NLGN1: variants seen among roughly 807,000 people sequenced by gnomAD.
NLGN1 encodes neuroligin-1.
NLGN1 carries 12 observed loss-of-function variants against 65.5 expected under a neutral mutation model. The observed-to-expected ratio is 0.18, with a 90% CI of 0.12 to 0.30. The LOEUF (loss-of-function observed/expected upper bound fraction) is 0.30, where lower values mean the gene tolerates loss of function less well. Ranked by LOEUF, NLGN1 falls within the 10% of genes least tolerant of loss-of-function variation. The pLI is 1.00. For missense variants in NLGN1, 750 were observed against 1,007.1 expected (o/e 0.74, Z 3.46); for synonymous variants, 350 against 359.5 (o/e 0.97, Z 0.30).
chr3:174,278,757 G>A (rs1311974147), intron 5 of NLGN1, 104 bp from the exon 6 acceptor site: 11 of 879,806 alleles, frequency 1.3e-5, no homozygotes, highest in Non-Finnish European at 1.8e-5. Context: ...TGTTTCTTGA[G>A]CTGTATCTGG....
At chr3:174,174,513 TC>T (rs1437015889) in intron 4 of NLGN1, among the ~76,000 whole-genome samples, 1 of 151,864 alleles carries the variant, frequency 6.6e-6, no homozygotes, top group African/African-American at 2.4e-5. Context: ...TTGATTATGG[TC>T]ATTCTTGCAG....
At chr3:174,090,210 C>A (rs1218369553) in intron 4 of NLGN1, among the ~76,000 whole-genome samples, 1 of 152,082 alleles carries the variant, frequency 6.6e-6, no homozygotes, top group Non-Finnish European at 1.5e-5. Context: ...GTGGCTCACA[C>A]CTGTAATCCT....
intron 4 of NLGN1, among the ~76,000 whole-genome samples, chr3:173,909,610 G>A (rs1440324362): frequency 6.6e-6 from 1 of 152,154 alleles, no homozygotes; most frequent in Non-Finnish European, 1.5e-5. Flanking sequence ...ATTTAAGTAT[G>A]GACTTCTCAA....
chr3:174,278,443 C>G lies in NLGN1; in HGVS notation c.860-418C>G, dbSNP rs114616917. ...CATTTTGAAGGAAGATGGACACAGC[C>G]AAACTGGAGGAAATATTCCAAACAG... is the stretch of plus-strand genomic sequence containing the variant. On this transcript the variant is annotated intron_variant, in intron 5 of 6. Transcript: ENST00000457714. Among the ~76,000 whole-genome samples, 661 of 151,954 alleles carry G rather than the reference C, an allele frequency of 4.3e-3. 8 individuals carry two copies. Among genetic ancestry groups the G allele is most frequent in the African/African-American group, 0.016 (645 of 41,504 alleles).
At chr3:173,788,071 A>G (rs1376529221) in intron 3 of NLGN1, among the ~76,000 whole-genome samples, 2 of 152,086 alleles carry the variant, frequency 1.3e-5, no homozygotes, top group Non-Finnish European at 1.5e-5. Context: ...TTTTAGAAAT[A>G]CAGCTTTGTC....
chr3:173,753,714 C>T (rs1013014113), intron 3 of NLGN1, among the ~76,000 whole-genome samples: 13 of 151,890 alleles, frequency 8.6e-5, no homozygotes, highest in Admixed American at 6.6e-4. Flanking sequence ...ACTCTGTGTT[C>T]ATCCAGAATA....
intron 3 of NLGN1, among the ~76,000 whole-genome samples, chr3:173,772,864 C>T (rs1306519229): frequency 1.3e-5 from 2 of 152,118 alleles, no homozygotes; most frequent in African/African-American, 4.8e-5. Flanking sequence ...CTAATTGCAG[C>T]TTCCTCTCCT....
chr3:173,707,290 A>G (rs1394006686), intron 3 of NLGN1, among the ~76,000 whole-genome samples: 1 of 152,208 alleles, frequency 6.6e-6, no homozygotes, highest in Non-Finnish European at 1.5e-5. Context: ...TTGGAAAAGA[A>G]TATGAGACAT....
At chr3:173,497,393 T>A (rs2037567) in intron 2 of NLGN1, among the ~76,000 whole-genome samples, 115,320 of 148,808 alleles carry the variant, frequency 0.77, 46,324 homozygotes, top group East Asian at 0.97. Context: ...CATCTCAAAA[T>A]AAATAAATAA....
chr3:173,881,362 G>C lies in NLGN1; in HGVS notation c.646+73530G>C, dbSNP rs113263180. On this transcript the variant is annotated intron_variant, in intron 4 of 6. Transcript: ENST00000457714. ...TCCACCTGCCTCGGCCTCCCAAATT[G>C]CTGGGATTACAGGCCTGAGCCACTG... Among the ~76,000 whole-genome samples, 714 of 148,822 alleles carry C rather than the reference G, an allele frequency of 4.8e-3. 1 individual carries two copies. The highest frequency in any genetic ancestry group is 0.016 in the African/African-American group (658 of 40,266).
At chr3:173,807,874 A>G in intron 4 of NLGN1, 42 bp downstream of exon 4, 3 of 1,576,718 alleles carry the variant, frequency 1.9e-6, no homozygotes, top group Non-Finnish European at 2.6e-6. Context: ...GAATCCATGA[A>G]GTATGTGATG....
In NLGN1 at chr3:173,788,735, C is replaced by T. The variant is rs533321315; in HGVS notation, c.494-18945C>T. Among the ~76,000 whole-genome samples the T allele has an allele frequency of 7.2e-4, 105 of 146,406 alleles. 1 individual carries two copies. The highest frequency in any genetic ancestry group is 1.2e-3 in the Non-Finnish European group (83 of 67,136). ...GCTGGAGAGGCTGAGGCAGGAGGAT[C>T]ACTTGAGCCCAGGAGTTGGAGGCTG... On this transcript the variant is annotated intron_variant, in intron 3 of 6. Coordinates refer to ENST00000457714, the Ensembl canonical transcript of NLGN1.
chr3:173,724,472 C>T (rs1427812416), intron 3 of NLGN1: 1 of 218,840 alleles, frequency 4.6e-6, no homozygotes, highest in Non-Finnish European at 1.0e-5. Context: ...GACGAGGTTT[C>T]ACCATGTTAC....
chr3:173,428,494 A>G (rs1421152540), intron 1 of NLGN1, among the ~76,000 whole-genome samples: 2 of 152,032 alleles, frequency 1.3e-5, no homozygotes, highest in African/African-American at 4.8e-5. Flanking sequence ...TTTTATGGAT[A>G]TAACAACTTA....
chr3:173,922,065 T>C (rs1742122676), intron 4 of NLGN1, among the ~76,000 whole-genome samples: 1 of 152,102 alleles, frequency 6.6e-6, no homozygotes, highest in African/African-American at 2.4e-5. Context: ...TCTTAGTTAT[T>C]TGCTACTTTA....
intron 3 of NLGN1, among the ~76,000 whole-genome samples, chr3:173,657,527 A>G (rs1358942116): frequency 6.6e-6 from 1 of 151,878 alleles, no homozygotes; most frequent in Non-Finnish European, 1.5e-5. Flanking sequence ...TTTAAGGGGC[A>G]CTGGGCAGTG....
At chr3:173,606,775 T>C (rs1751468344) in intron 3 of NLGN1, among the ~76,000 whole-genome samples, 1 of 152,014 alleles carries the variant, frequency 6.6e-6, no homozygotes, top group African/African-American at 2.4e-5. Context: ...TCATTCTTTA[T>C]TGATGTTATG....
chr3:174,199,067 G>C (rs1376788149), intron 4 of NLGN1, among the ~76,000 whole-genome samples: 2 of 151,910 alleles, frequency 1.3e-5, no homozygotes, highest in South Asian at 4.2e-4. Flanking sequence ...GGCTGGTCTC[G>C]AACTCCCGAC....
At chr3:173,728,918 G>A (rs1003302755) in intron 3 of NLGN1, among the ~76,000 whole-genome samples, 4 of 152,064 alleles carry the variant, frequency 2.6e-5, no homozygotes, top group African/African-American at 9.7e-5. Flanking sequence ...CACCGAGTTT[G>A]TGGTAATTTG....
Sources: gnomAD v4.1 joint callset for allele counts (sites outside exome capture counted in the v4.1 genomes callset) on GRCh38, gnomAD v4.1.1 for gene constraint, MANE v1.5 for transcripts, NCBI Gene and HGNC (gene_info 2026-07-23, HGNC 2026-07-21) for gene names.